Variants in CCDC178 observed in about 807,000 individuals in gnomAD.
The protein encoded by CCDC178 is coiled-coil domain containing 178, also known as coiled-coil domain-containing protein 178.
CCDC178 carries 126 observed loss-of-function variants against 117.4 expected under a neutral mutation model. The ratio of observed to expected loss-of-function variants is 1.07; its 90% CI spans 0.93 to 1.24. The LOEUF (loss-of-function observed/expected upper bound fraction) is 1.24, where lower values mean the gene tolerates loss of function less well. CCDC178 is among the 50% of genes most tolerant of loss of function. The pLI, the probability that CCDC178 is intolerant of heterozygous loss-of-function variation, is 0.00. For missense variants in CCDC178, 1,030 were observed against 986.9 expected (o/e 1.04, Z -0.59); for synonymous variants, 283 against 313.4 (o/e 0.90, Z 1.02).
At chr18:33,332,402 A>G (rs2062681349) in intron 10 of CCDC178, among the ~76,000 whole-genome samples, 1 of 152,240 alleles carries the variant, frequency 6.6e-6, no homozygotes, top group South Asian at 2.1e-4. Flanking sequence ...TCAATAAATT[A>G]TTTTCATATT....
At chr18:33,152,972 C>A (rs994158246) in intron 20 of CCDC178, among the ~76,000 whole-genome samples, 1 of 149,998 alleles carries the variant, frequency 6.7e-6, no homozygotes. Context: ...TAGGAAGGCA[C>A]TGTCGAAGAA....
chr18:33,404,182 G>C (rs2063750112), intron 3 of CCDC178, among the ~76,000 whole-genome samples: 1 of 152,110 alleles, frequency 6.6e-6, no homozygotes, highest in Non-Finnish European at 1.5e-5. Context: ...ACAAAAGAAT[G>C]AGTCATGGAC....
intron 14 of CCDC178, among the ~76,000 whole-genome samples, chr18:33,256,161 A>G (rs556623994): frequency 6.7e-6 from 1 of 149,662 alleles, no homozygotes; most frequent in Non-Finnish European, 1.5e-5. Context: ...ATTGCTAACT[A>G]TGTGTAATTT....
At chr18:33,338,534 G>A (rs2062773031) in intron 9 of CCDC178, among the ~76,000 whole-genome samples, 1 of 152,142 alleles carries the variant, frequency 6.6e-6, no homozygotes, top group Non-Finnish European at 1.5e-5. Context: ...TAAAGAAAAT[G>A]TGGTACATAT....
chr18:33,087,997 T>C (rs1375205315), intron 21 of CCDC178, among the ~76,000 whole-genome samples: 3 of 152,140 alleles, frequency 2.0e-5, no homozygotes, highest in East Asian at 1.9e-4. Context: ...TATAGAAATG[T>C]TGTCCAATGA....
At chr18:33,040,850 C>T (rs750465403) in intron 21 of CCDC178, among the ~76,000 whole-genome samples, 13 of 151,922 alleles carry the variant, frequency 8.6e-5, no homozygotes, top group African/African-American at 3.1e-4. Context: ...GCTTCTCCTA[C>T]CCAGGAAATG....
At chr18:33,212,997 A>G (rs1353537272) in intron 19 of CCDC178, among the ~76,000 whole-genome samples, 1 of 151,986 alleles carries the variant, frequency 6.6e-6, no homozygotes, top group East Asian at 1.9e-4. Context: ...AATCACTTGC[A>G]CAGTTAGCTA....
chr18:33,040,890 T>C (rs953015314), intron 21 of CCDC178, among the ~76,000 whole-genome samples: 3 of 151,854 alleles, frequency 2.0e-5, no homozygotes, highest in Admixed American at 6.6e-5. Context: ...AAGAGAATAG[T>C]AGTGAGCATC....
chr18:33,314,074 G>A lies in CCDC178; in HGVS notation c.1022+9417C>T, dbSNP rs1451445944. ...AAATTAGCCGGGCGTAGTGGCGGGCGCCTGTAATCCCAGCTACTTGGGAGG... is the reference window on the plus strand; with the variant it reads ...AAATTAGCCGGGCGTAGTGGCGGGCACCTGTAATCCCAGCTACTTGGGAGG... On this transcript the variant is annotated intron_variant, in intron 11 of 22. Transcript: ENST00000383096. 8.0e-5 allele frequency among the ~76,000 whole-genome samples: 12 copies of A among 149,248 alleles called. No homozygotes were observed. The South Asian group carries it at 1.3e-3, about 16-fold the overall frequency.
At chr18:32,974,456 G>C (rs2144694806) in intron 22 of CCDC178, 91 bp downstream of exon 22, 1 of 1,208,360 alleles carries the variant, frequency 8.3e-7, no homozygotes, top group Non-Finnish European at 1.2e-6. Flanking sequence ...AACTCTGATG[G>C]GATATGGTTT....
At chr18:33,422,825 T>C (rs1257627093) in intron 2 of CCDC178, among the ~76,000 whole-genome samples, 2 of 152,186 alleles carry the variant, frequency 1.3e-5, no homozygotes, top group Non-Finnish European at 1.5e-5. Context: ...CAGATTTGCC[T>C]GGAAGTTCAC....
At chr18:33,405,539 T>C (rs1319800990) in intron 3 of CCDC178, among the ~76,000 whole-genome samples, 1 of 151,890 alleles carries the variant, frequency 6.6e-6, no homozygotes, top group Non-Finnish European at 1.5e-5. Flanking sequence ...AGATAATACA[T>C]TTAAGATACT....
intron 20 of CCDC178, among the ~76,000 whole-genome samples, chr18:33,132,723 G>A (rs1044556697): frequency 1.3e-5 from 2 of 151,554 alleles, no homozygotes; most frequent in African/African-American, 4.8e-5. Context: ...TCTAAATAGT[G>A]TTAATAATAT....
rs921347106 is a variant in CCDC178, at chr18:33,343,109, AT to A, written c.658+3101del. On this transcript the variant is annotated intron_variant, in intron 9 of 22. Coordinates refer to ENST00000383096, the MANE Select transcript of CCDC178 (RefSeq NM_001105528.4). ...AATTCATTCAGAAACCAGAGCTGTG[AT>A]TTTTTTTTTCCTCTTTCATCAGATC... 7.0e-4 allele frequency among the ~76,000 whole-genome samples: 105 copies of A among 150,112 alleles called. 1 individual carries two copies. The highest frequency in any genetic ancestry group is 6.7e-3 in the East Asian group (34 of 5,110).
intron 15 of CCDC178, among the ~76,000 whole-genome samples, chr18:33,238,930 G>T (rs915819548): frequency 7.2e-5 from 11 of 152,052 alleles, no homozygotes; most frequent in African/African-American, 2.4e-4. Context: ...CAGTGGATTT[G>T]CCAGGAGAAA....
intron 20 of CCDC178, among the ~76,000 whole-genome samples, chr18:33,154,038 G>A (rs1437694468): frequency 6.6e-6 from 1 of 151,920 alleles, no homozygotes; most frequent in African/African-American, 2.4e-5. Context: ...TTATGAAACT[G>A]TAATTTCATA....
chr18:33,243,071 A>G (rs1002898605), intron 15 of CCDC178, among the ~76,000 whole-genome samples: 1 of 152,030 alleles, frequency 6.6e-6, no homozygotes, highest in Non-Finnish European at 1.5e-5. Context: ...ATTGAGCCAT[A>G]AGAAAGAATG....
chr18:33,416,760 C>T lies in CCDC178; in HGVS notation c.-22-4650G>A, dbSNP rs1268823515. Among the ~76,000 whole-genome samples the T allele has an allele frequency of 2.0e-5, 3 of 152,218 alleles. No individual in the cohort carries two copies. The East Asian group carries it at 5.8e-4, about 29-fold the overall frequency. On this transcript the variant is annotated intron_variant, in intron 2 of 22. Transcript: ENST00000383096. ...GCACCACAACCCAGCAGTAAAAAGG[C>T]TACACCACTCTCAAGGTGTCAGTGA...
rs138747479 is a variant in CCDC178, at chr18:33,162,815, T to G, written c.2238+49081A>C. Among the ~76,000 whole-genome samples the G allele has an allele frequency of 2.3e-3, 351 of 152,334 alleles. 1 individual carries two copies. The highest frequency in any genetic ancestry group is 7.9e-3 in the African/African-American group (330 of 41,580). On this transcript the variant is annotated intron_variant, in intron 20 of 22. Transcript: ENST00000383096. ...TCCATGCTGTATATGTACCGTATTT[T>G]ATTTATCTAATGTATCACTGATGGG... is the stretch of plus-strand genomic sequence containing the variant.
Sources: allele counts gnomAD v4.1 joint callset (sites outside exome capture counted in the v4.1 genomes callset), GRCh38; gene constraint gnomAD v4.1.1; transcripts MANE v1.5; gene names NCBI Gene and HGNC (gene_info 2026-07-23, HGNC 2026-07-21).